The following S100A5 variants were observed in gnomAD, a reference collection of about 807,000 sequenced individuals.
S100A5 encodes the protein protein S100-A5.
Under a neutral mutation model 6.7 loss-of-function variants are expected in S100A5, and 5 were observed. That is an observed-to-expected ratio of 0.75 (90% confidence interval 0.39 to 1.57). S100A5 has a LOEUF of 1.57. Among genes scored for constraint, S100A5 ranks in the 40% most tolerant of loss-of-function variants. The pLI is 0.03. For missense variants in S100A5, 129 were observed against 110.8 expected, an observed-to-expected ratio of 1.16 and a Z score of -0.74; for synonymous variants, 49 against 44.9, an observed-to-expected ratio of 1.09 and a Z score of -0.37.
intron 2 of S100A5, among the ~76,000 whole-genome samples, chr1:153,539,435 AAAAAAAAAAAAAAAAATATATAT>A (rs1217445776): frequency 9.4e-6 from 1 of 106,554 alleles, no homozygotes; most frequent in African/African-American, 4.9e-5. Flanking sequence ...AAAAAAAAAA[AAAAAAAAAAAAAAAAATATATAT>A]ATATATATAT....
At chr1:153,542,909 C>A (rs1665436431), upstream of S100A5, among the ~76,000 whole-genome samples, 1 of 152,166 alleles carries the variant, frequency 6.6e-6, no homozygotes, top group Non-Finnish European at 1.5e-5. Context: ...CTTCTGAGGT[C>A]CCCTGTCCTT....
chr1:153,539,683 G>T (rs569683605), intron 2 of S100A5, among the ~76,000 whole-genome samples: 41 of 151,476 alleles, frequency 2.7e-4, no homozygotes, highest in Non-Finnish European at 4.3e-4. Flanking sequence ...GAAGAATCAG[G>T]CAGAGTCCCT....
intron 2 of S100A5, 96 bp downstream of exon 2, chr1:153,539,958 C>A (rs1025993696): frequency 5.4e-6 from 8 of 1,471,480 alleles, no homozygotes; most frequent in Non-Finnish European, 7.4e-6. Context: ...GGCCACCCTG[C>A]CCCTGGCTTA....
chr1:153,537,483 C>T, intron 2 of S100A5, 47 bp from the exon 3 acceptor site: 1 of 1,606,466 alleles, frequency 6.2e-7, no homozygotes, highest in South Asian at 1.1e-5. Flanking sequence ...CGCTCCCAGC[C>T]CTGCCCTCGC....
In S100A5 at chr1:153,537,473, C is replaced by T. The variant is rs114619681; in HGVS notation, c.139-37G>A. ...CCAGGTGGAGAGACAGCTCAGACCCCGCTCCCAGCCCTGCCCTCGCACCAC... is the reference window on the plus strand; with the variant it reads ...CCAGGTGGAGAGACAGCTCAGACCCTGCTCCCAGCCCTGCCCTCGCACCAC... On this transcript the variant is annotated intron_variant, in intron 2 of 2. Coordinates refer to ENST00000368717, the MANE Select transcript of S100A5 (RefSeq NM_001394232.1). The T allele has an allele frequency of 1.1e-3, 1,748 of 1,609,982 alleles. 18 individuals are homozygous for T. In the African/African-American group the frequency reaches 0.02, roughly 19 times the overall value.
intron 2 of S100A5, among the ~76,000 whole-genome samples, chr1:153,539,783 G>C (rs773455741): frequency 3.3e-5 from 5 of 152,050 alleles, no homozygotes; most frequent in Middle Eastern, 3.2e-3. Context: ...TGCTGGGAGA[G>C]CCTGGCCCCA....
rs918574946 is a variant in S100A5, at chr1:153,540,906, GC to G, written c.-301del. Among the ~76,000 whole-genome samples the G allele has an allele frequency of 6.6e-6, 1 of 152,116 alleles. No homozygotes were observed. Among genetic ancestry groups the G allele is most frequent in the Admixed American group, 6.5e-5 (1 of 15,274 alleles). ...TAAGGGCCTGGATTCCAATAGCACA[GC>G]CACCCTCAGCCAAGGGAAGAGACAG... On this transcript the variant is annotated 5_prime_UTR_variant, in exon 1 of 3. Transcript: ENST00000368717.
upstream of S100A5, chr1:153,543,245 G>A (rs1216068024): frequency 1.0e-6 from 1 of 985,120 alleles, no homozygotes; most frequent in East Asian, 1.1e-4. Flanking sequence ...CTTACTCCCA[G>A]GACACCCAAA....
intron 2 of S100A5, 72 bp downstream of exon 2, chr1:153,539,982 T>C: frequency 6.4e-7 from 1 of 1,567,316 alleles, no homozygotes; most frequent in East Asian, 2.2e-5. Context: ...TGGAGGATCC[T>C]GAGGGTAGGT....
upstream of S100A5, chr1:153,541,874 G>T: frequency 2.0e-6 from 2 of 1,013,108 alleles, no homozygotes; most frequent in Non-Finnish European, 2.4e-6. Flanking sequence ...CTTGAGATGG[G>T]GATCAGTGGA....
At chr1:153,542,290 G>C (rs1357378373), upstream of S100A5, among the ~76,000 whole-genome samples, 2 of 152,158 alleles carry the variant, frequency 1.3e-5, no homozygotes, top group Admixed American at 6.5e-5. Context: ...CCCCAGCCTG[G>C]GGGGCCTCCC....
chr1:153,541,692 T>C (rs1665393553), upstream of S100A5: 1 of 1,142,270 alleles, frequency 8.8e-7, no homozygotes, highest in Non-Finnish European at 1.1e-6. Flanking sequence ...ACTCAAAATC[T>C]GAAATCTGAT....
upstream of S100A5, chr1:153,543,207 C>A (rs1665445639): frequency 1.0e-6 from 1 of 985,192 alleles, no homozygotes; most frequent in Non-Finnish European, 1.2e-6. Context: ...TTCCTCCCTG[C>A]AACTCAGCCT....
At chr1:153,540,280 TC>T (rs1665344088) in intron 1 of S100A5, 75 bp from the exon 2 acceptor site, 1 of 1,486,560 alleles carries the variant, frequency 6.7e-7, no homozygotes, top group South Asian at 1.2e-5. Flanking sequence ...CTGAGGCCCC[TC>T]CCTCAAAGAA....
upstream of S100A5, among the ~76,000 whole-genome samples, chr1:153,542,086 G>A (rs1201370959): frequency 3.9e-5 from 6 of 152,346 alleles, no homozygotes; most frequent in East Asian, 1.2e-3. Context: ...CAGCACTGGG[G>A]TAGAGGTTGT....
intron 2 of S100A5, among the ~76,000 whole-genome samples, chr1:153,539,332 C>T (rs1208182019): frequency 1.4e-5 from 2 of 145,856 alleles, no homozygotes; most frequent in African/African-American, 5.1e-5. Context: ...GAGGCTGAGG[C>T]AGGAGAATCG....
At chr1:153,543,597 A>C, upstream of S100A5, 1 of 750,408 alleles carries the variant, frequency 1.3e-6, no homozygotes. Context: ...CCACGCCCCC[A>C]GAGTCTCTCA....
upstream of S100A5, chr1:153,541,396 T>C: frequency 1.5e-6 from 2 of 1,367,626 alleles, no homozygotes; most frequent in Non-Finnish European, 2.0e-6. Flanking sequence ...ACTGTGGGAG[T>C]GAGCCCAGAG....
chr1:153,542,931 C>T (rs1185411592), upstream of S100A5, among the ~76,000 whole-genome samples: 1 of 152,170 alleles, frequency 6.6e-6, no homozygotes. Flanking sequence ...TCTGAAGGAG[C>T]TTGATTCCTG....
Sources: gnomAD v4.1 joint callset for allele counts (sites outside exome capture counted in the v4.1 genomes callset) on GRCh38, gnomAD v4.1.1 for gene constraint, MANE v1.5 for transcripts, NCBI Gene and HGNC (gene_info 2026-07-23, HGNC 2026-07-21) for gene names.